The following CRTC1 variants were observed in gnomAD, a reference collection of about 807,000 sequenced individuals.
The protein encoded by CRTC1 is CREB-regulated transcription coactivator 1.
Under a neutral mutation model 66.1 loss-of-function variants are expected in CRTC1, and 18 were observed. The ratio of observed to expected loss-of-function variants is 0.27; its 90% CI spans 0.19 to 0.40. The LOEUF is 0.40. Ranked by LOEUF, CRTC1 falls within the 10% of genes least tolerant of loss-of-function variation. The pLI is 1.00. For synonymous variants in CRTC1, 416 were observed against 398.8 expected (o/e 1.04, Z -0.51); for missense variants, 669 against 887.9 (o/e 0.75, Z 3.13).
chr19:18,745,864 C>G lies in CRTC1; in HGVS notation c.285C>G (p.Thr95=). 2 of 1,613,848 alleles carry G rather than the reference C, an allele frequency of 1.2e-6. No individual in the cohort carries two copies. Among genetic ancestry groups the G allele is most frequent in the Non-Finnish European group, 1.7e-6 (2 of 1,179,968 alleles). ...QSSGLDTSRT[T]RHHGLVDRVY... ...CGGGCCTGGACACCAGCCGGACCAC[C>G]CGGCACCATGGGCTGGTGGACAGGG... The change falls in exon 3 of 14, where the codon ACC becomes ACG. Residue 95 remains threonine, a synonymous_variant. Transcript: ENST00000321949.
At chr19:18,750,136 G>A (rs762727752) in intron 5 of CRTC1, among the ~76,000 whole-genome samples, 74 of 152,226 alleles carry the variant, frequency 4.9e-4, no homozygotes, top group Non-Finnish European at 8.5e-4. Context: ...GATTGAGGGC[G>A]TGGCCATGAA....
chr19:18,683,911 T>TGG (rs1322369998), intron 1 of CRTC1, 83 bp downstream of exon 1: 2 of 12,558 alleles, frequency 1.6e-4, no homozygotes, highest in African/African-American at 5.7e-4. Flanking sequence ...CGGGGCGGGG[T>TGG]GGGGGGGGGC....
chr19:18,701,593 T>G (rs1369098336), intron 1 of CRTC1, among the ~76,000 whole-genome samples: 2 of 152,174 alleles, frequency 1.3e-5, no homozygotes, highest in African/African-American at 4.8e-5. Context: ...AACTGTTTCT[T>G]ATGAGATAGG....
At chr19:18,767,519 C>T (rs2145836067) in intron 9 of CRTC1, among the ~76,000 whole-genome samples, 1 of 152,304 alleles carries the variant, frequency 6.6e-6, no homozygotes, top group Non-Finnish European at 1.5e-5. Flanking sequence ...TTTAATGTAA[C>T]CACAGTGGCA....
chr19:18,769,212 G>A (rs540463264), intron 10 of CRTC1, among the ~76,000 whole-genome samples: 35 of 152,312 alleles, frequency 2.3e-4, no homozygotes, highest in African/African-American at 7.9e-4. Flanking sequence ...TCCAAGAGGC[G>A]GCAGCCCGTT....
chr19:18,740,589 T>G (rs1170496324), intron 1 of CRTC1, among the ~76,000 whole-genome samples: 2 of 152,196 alleles, frequency 1.3e-5, no homozygotes, highest in East Asian at 3.9e-4. Context: ...AGGCAGGATA[T>G]TCTCCTGCAG....
chr19:18,695,328 G>A (rs2052958672), intron 1 of CRTC1, among the ~76,000 whole-genome samples: 1 of 152,008 alleles, frequency 6.6e-6, no homozygotes, highest in Admixed American at 6.6e-5. Flanking sequence ...TTTTAAATGG[G>A]ACTCTGTAAA....
chr19:18,705,070 C>G (rs1266111631), intron 1 of CRTC1, among the ~76,000 whole-genome samples: 1 of 152,078 alleles, frequency 6.6e-6, no homozygotes, highest in African/African-American at 2.4e-5. Flanking sequence ...TTTCACTGAG[C>G]ATAATGTCCT....
intron 1 of CRTC1, among the ~76,000 whole-genome samples, chr19:18,692,291 T>A (rs2052861332): frequency 6.6e-6 from 1 of 152,144 alleles, no homozygotes. Flanking sequence ...TGATGTGAAG[T>A]CCACAAGGTT....
At chr19:18,687,844 G>T (rs1455294970) in intron 1 of CRTC1, among the ~76,000 whole-genome samples, 3 of 151,858 alleles carry the variant, frequency 2.0e-5, no homozygotes, top group African/African-American at 4.8e-5. Flanking sequence ...TCGGGAGACT[G>T]TTTGCAGGTC....
intron 1 of CRTC1, among the ~76,000 whole-genome samples, chr19:18,730,425 G>A (rs1286574712): frequency 6.6e-6 from 1 of 152,066 alleles, no homozygotes; most frequent in African/African-American, 2.4e-5. Flanking sequence ...CTTCCGGGTA[G>A]GCCTGTCTTC....
intron 1 of CRTC1, among the ~76,000 whole-genome samples, chr19:18,694,065 G>C (rs142995847): frequency 1.3e-5 from 2 of 151,338 alleles, no homozygotes; most frequent in Non-Finnish European, 2.9e-5. Flanking sequence ...CTGAAAGGTG[G>C]AGGTTGCAGT....
At chr19:18,726,129 C>G (rs976516708) in intron 1 of CRTC1, among the ~76,000 whole-genome samples, 1 of 152,240 alleles carries the variant, frequency 6.6e-6, no homozygotes, top group Non-Finnish European at 1.5e-5. Context: ...CATAAATCTG[C>G]GTTCTGGATG....
chr19:18,703,548 C>G (rs1185572329), intron 1 of CRTC1, among the ~76,000 whole-genome samples: 1 of 152,114 alleles, frequency 6.6e-6, no homozygotes, highest in Non-Finnish European at 1.5e-5. Context: ...AAGCAACCTC[C>G]ACCTCCCAGG....
chr19:18,751,219 G>T (rs2054355999), intron 5 of CRTC1, among the ~76,000 whole-genome samples: 1 of 151,884 alleles, frequency 6.6e-6, no homozygotes, highest in African/African-American at 2.4e-5. Context: ...ATGTGCAACA[G>T]GCATAAAGAA....
intron 1 of CRTC1, among the ~76,000 whole-genome samples, chr19:18,688,026 A>G (rs2052728995): frequency 6.6e-6 from 1 of 151,940 alleles, no homozygotes; most frequent in African/African-American, 2.4e-5. Flanking sequence ...CATTCCATCA[A>G]ATGACAATTT....
rs941256733 is a variant in CRTC1, at chr19:18,753,107, TA to T, written c.539-385del. On this transcript the variant is annotated intron_variant, in intron 5 of 13. Transcript: ENST00000321949. ...AGTGAAACCCCGTCTCTACTAAAAATAAAAAAAATAAAAAAAAAATTAGCCT... is the reference window on the plus strand; with the variant it reads ...AGTGAAACCCCGTCTCTACTAAAAATAAAAAAATAAAAAAAAAATTAGCCT... 2.6e-3 allele frequency among the ~76,000 whole-genome samples: 387 copies of T among 150,108 alleles called. 1 individual carries two copies. The highest frequency in any genetic ancestry group is 9.1e-3 in the African/African-American group (370 of 40,866).
intron 4 of CRTC1, among the ~76,000 whole-genome samples, chr19:18,747,843 C>G (rs1600927418): frequency 6.6e-6 from 1 of 152,062 alleles, no homozygotes; most frequent in Admixed American, 6.6e-5. Flanking sequence ...TTTTGGAGAC[C>G]AACGCAGGCG....
rs1339242481 is a variant in CRTC1, at chr19:18,765,386, C to T, written c.887-18C>T. On this transcript the variant is annotated intron_variant, in intron 8 of 13. Transcript: ENST00000321949. ...TCAGTCTCACACCTGCTCTCCCTCC[C>T]TCCTACTTCCTCTCTAGGAATGAGC... 2 of 1,603,832 alleles carry T rather than the reference C, an allele frequency of 1.2e-6. No homozygotes were observed. Among genetic ancestry groups the T allele is most frequent in the South Asian group, 2.2e-5 (2 of 89,778 alleles).
Sources: allele counts gnomAD v4.1 joint callset (sites outside exome capture counted in the v4.1 genomes callset), GRCh38; gene constraint gnomAD v4.1.1; transcripts MANE v1.5; gene names NCBI Gene and HGNC (gene_info 2026-07-23, HGNC 2026-07-21).